Variants in CFAP299 observed in about 807,000 individuals in gnomAD.
CFAP299 encodes cilia- and flagella-associated protein 299.
In CFAP299, 21 loss-of-function variants were observed where a neutral mutation model predicts 27.0. The ratio of observed to expected loss-of-function variants is 0.78; its 90% CI spans 0.55 to 1.12. CFAP299 has a LOEUF of 1.12. Ranked by LOEUF, CFAP299 falls within the 50% of genes most tolerant of loss-of-function variation. The pLI is 0.00. For missense variants in CFAP299, 310 were observed against 276.6 expected (o/e 1.12, Z -0.86); for synonymous variants, 104 against 98.1 (o/e 1.06, Z -0.36).
chr4:80,447,604 G>A (rs183907615), intron 2 of CFAP299, among the ~76,000 whole-genome samples: 2 of 151,952 alleles, frequency 1.3e-5, no homozygotes, highest in African/African-American at 2.4e-5. Context: ...ACAGGTATGC[G>A]CCACCATGCC....
At chr4:80,389,453 G>T (rs140724079) in intron 2 of CFAP299, among the ~76,000 whole-genome samples, 26 of 152,172 alleles carry the variant, frequency 1.7e-4, no homozygotes, top group African/African-American at 5.6e-4. Context: ...AAGGCAATTT[G>T]CAGCTGTGGA....
chr4:80,851,109 C>A (rs761498120), intron 3 of CFAP299, among the ~76,000 whole-genome samples: 5 of 151,882 alleles, frequency 3.3e-5, no homozygotes, highest in Non-Finnish European at 5.9e-5. Flanking sequence ...TTTTAAAAAT[C>A]AAGGAAAAAC....
chr4:80,892,231 C>T (rs186653928), intron 4 of CFAP299, among the ~76,000 whole-genome samples: 18 of 152,138 alleles, frequency 1.2e-4, no homozygotes, highest in East Asian at 5.8e-4. Context: ...CATTTTCCAC[C>T]GTGGTGCCAA....
At chr4:80,698,802 G>A (rs1246742477) in intron 3 of CFAP299, among the ~76,000 whole-genome samples, 1 of 152,124 alleles carries the variant, frequency 6.6e-6, no homozygotes, top group African/African-American at 2.4e-5. Flanking sequence ...GGCAGGAAGA[G>A]CCCCTTATAA....
intron 2 of CFAP299, among the ~76,000 whole-genome samples, chr4:80,531,482 C>T (rs1217839504): frequency 2.0e-5 from 3 of 152,206 alleles, no homozygotes; most frequent in African/African-American, 4.8e-5. Context: ...GCACCACCTA[C>T]AGTTGATATA....
intron 3 of CFAP299, among the ~76,000 whole-genome samples, chr4:80,594,160 A>T (rs1049479487): frequency 1.9e-4 from 29 of 152,218 alleles, no homozygotes; most frequent in African/African-American, 6.8e-4. Flanking sequence ...TAATTTATAA[A>T]GGAAATAAGC....
intron 3 of CFAP299, among the ~76,000 whole-genome samples, chr4:80,788,771 A>G (rs560479933): frequency 1.3e-5 from 2 of 152,180 alleles, no homozygotes; most frequent in Admixed American, 6.6e-5. Context: ...GAGAAAAGCC[A>G]TTATCCATAA....
intron 3 of CFAP299, among the ~76,000 whole-genome samples, chr4:80,631,812 T>C (rs1004640135): frequency 6.6e-6 from 1 of 151,548 alleles, no homozygotes; most frequent in Non-Finnish European, 1.5e-5. Context: ...TATAGTTTCA[T>C]GTTGTAGTTC....
chr4:80,787,231 A>G (rs1162112511), intron 3 of CFAP299, among the ~76,000 whole-genome samples: 2 of 148,270 alleles, frequency 1.3e-5, no homozygotes, highest in African/African-American at 4.9e-5. Context: ...TATATATAAA[A>G]CATAATATAT....
chr4:80,453,712 G>A (rs114811351), intron 2 of CFAP299, among the ~76,000 whole-genome samples: 1,580 of 151,500 alleles, frequency 0.01, 29 homozygotes, highest in African/African-American at 0.035. Context: ...TTCTTGGCGC[G>A]TGCCTGTAAT....
intron 3 of CFAP299, among the ~76,000 whole-genome samples, chr4:80,647,469 C>A (rs1229374499): frequency 6.6e-6 from 1 of 152,022 alleles, no homozygotes; most frequent in Non-Finnish European, 1.5e-5. Context: ...CCAAATATTG[C>A]TAAATAATTA....
intron 3 of CFAP299, among the ~76,000 whole-genome samples, chr4:80,618,735 A>G (rs1738422258): frequency 6.6e-6 from 1 of 152,112 alleles, no homozygotes; most frequent in Admixed American, 6.6e-5. Context: ...AAACTAAAAG[A>G]TACATTACAT....
Position 80,699,305 on chromosome 4 carries a change from G to A in CFAP299, c.333+116122G>A, listed in dbSNP as rs72661720. On this transcript the variant is annotated intron_variant, in intron 3 of 5. Coordinates refer to ENST00000358105, the MANE Select transcript of CFAP299 (RefSeq NM_152770.3). The stretch of plus-strand genomic sequence containing the variant: ...CAGACTCCTCTGATAGGCTGTAGGT[G>A]GCTTGTCAACATCTCACTGGATGCT... Among the ~76,000 whole-genome samples the A allele has an allele frequency of 4.8e-3, 733 of 152,226 alleles. 5 individuals are homozygous for A. Among genetic ancestry groups the A allele is most frequent in the Non-Finnish European group, 6.2e-3 (422 of 68,010 alleles).
intron 3 of CFAP299, among the ~76,000 whole-genome samples, chr4:80,800,085 A>AAT (rs890890322): frequency 1.5e-5 from 1 of 67,792 alleles, no homozygotes; most frequent in East Asian, 5.1e-4. Context: ...ATAAAATATA[A>AAT]ATATATATAA....
chr4:80,843,083 T>A (rs1330684197), intron 3 of CFAP299, among the ~76,000 whole-genome samples: 1 of 151,158 alleles, frequency 6.6e-6, no homozygotes, highest in African/African-American at 2.4e-5. Context: ...TATATATAAA[T>A]ATATATTTTT....
chr4:80,738,925 T>A (rs1277717741), intron 3 of CFAP299, among the ~76,000 whole-genome samples: 2 of 152,050 alleles, frequency 1.3e-5, no homozygotes, highest in Non-Finnish European at 2.9e-5. Context: ...ATATTTTTGG[T>A]TTGAGGTTAC....
intron 4 of CFAP299, chr4:80,872,385 T>C (rs1209926162): frequency 6.6e-6 from 1 of 152,116 alleles, no homozygotes; most frequent in Non-Finnish European, 1.5e-5. Context: ...ATTATATTAT[T>C]TATCCTGAAT....
At chr4:80,733,474 A>G (rs998242387) in intron 3 of CFAP299, among the ~76,000 whole-genome samples, 2 of 151,900 alleles carry the variant, frequency 1.3e-5, no homozygotes, top group Non-Finnish European at 2.9e-5. Flanking sequence ...ATCCAATTCT[A>G]CTCTTTTAGT....
chr4:80,323,055 A>G, the CFAP299 span, among the ~76,000 whole-genome samples: 1 of 152,256 alleles, frequency 6.6e-6, no homozygotes, highest in African/African-American at 2.4e-5. Context: ...CAACATAGCT[A>G]AGAAAGTAGG....
Sources: gnomAD v4.1 joint callset for allele counts (sites outside exome capture counted in the v4.1 genomes callset) on GRCh38, gnomAD v4.1.1 for gene constraint, MANE v1.5 for transcripts, NCBI Gene and HGNC (gene_info 2026-07-23, HGNC 2026-07-21) for gene names.